Variants in GALNTL6 observed in about 807,000 individuals in gnomAD.
GALNTL6 encodes polypeptide N-acetylgalactosaminyltransferase like 6.
Under a neutral mutation model 73.7 loss-of-function variants are expected in GALNTL6, and 46 were observed. That is an observed-to-expected ratio of 0.62 (90% CI 0.49 to 0.80). The LOEUF (loss-of-function observed/expected upper bound fraction) is 0.80, where lower values mean the gene tolerates loss of function less well. GALNTL6 is among the 30% of genes least tolerant of loss of function. The probability of loss-of-function intolerance (pLI) is 0.00; values close to 1 mark genes in which losing one functional copy is unlikely to be tolerated. For missense variants in GALNTL6, 604 were observed against 755.0 expected (o/e 0.80, Z 2.34); for synonymous variants, 259 against 263.7 (o/e 0.98, Z 0.17).
At chr4:172,422,188 A>C (rs948678689) in intron 5 of GALNTL6, among the ~76,000 whole-genome samples, 2 of 152,086 alleles carry the variant, frequency 1.3e-5, no homozygotes, top group African/African-American at 4.8e-5. Flanking sequence ...AGCAAAACTT[A>C]TCAAATAGTT....
chr4:172,605,321 C>G (rs1354186752), intron 5 of GALNTL6, among the ~76,000 whole-genome samples: 1 of 152,128 alleles, frequency 6.6e-6, no homozygotes, highest in African/African-American at 2.4e-5. Flanking sequence ...ACCCAAAAAT[C>G]TTTATTAACT....
chr4:172,875,732 AACAC>A (rs59079970), intron 7 of GALNTL6, among the ~76,000 whole-genome samples: 2,588 of 145,810 alleles, frequency 0.018, 65 homozygotes, highest in African/African-American at 0.06. Context: ...CTCATACATA[AACAC>A]ACACACACAC....
At chr4:172,741,605 A>C (rs1426280648) in intron 5 of GALNTL6, among the ~76,000 whole-genome samples, 2 of 152,078 alleles carry the variant, frequency 1.3e-5, no homozygotes, top group African/African-American at 4.8e-5. Flanking sequence ...ATCCTAGTCC[A>C]TGCTTTAGGC....
chr4:172,044,949 T>C (rs1473037437), intron 2 of GALNTL6, among the ~76,000 whole-genome samples: 3 of 152,014 alleles, frequency 2.0e-5, no homozygotes, highest in Non-Finnish European at 4.4e-5. Context: ...TGCACATAGA[T>C]AGTTATTGGA....
At chr4:172,269,674 G>A (rs1579317600) in intron 3 of GALNTL6, among the ~76,000 whole-genome samples, 1 of 152,196 alleles carries the variant, frequency 6.6e-6, no homozygotes, top group Non-Finnish European at 1.5e-5. Flanking sequence ...GTTTAAACAG[G>A]AATAACAAAT....
chr4:171,915,114 T>G (rs901809932), intron 2 of GALNTL6, among the ~76,000 whole-genome samples: 1 of 152,160 alleles, frequency 6.6e-6, no homozygotes, highest in African/African-American at 2.4e-5. Context: ...AATTGAATTG[T>G]TTTAAAATAA....
At chr4:171,897,439 A>T (rs1736953864) in intron 2 of GALNTL6, among the ~76,000 whole-genome samples, 1 of 152,226 alleles carries the variant, frequency 6.6e-6, no homozygotes, top group Admixed American at 6.5e-5. Flanking sequence ...AAGAGCATAG[A>T]TACAAACACA....
chr4:172,772,814 G>A (rs1301164820), intron 5 of GALNTL6, among the ~76,000 whole-genome samples: 1 of 152,122 alleles, frequency 6.6e-6, no homozygotes, highest in African/African-American at 2.4e-5. Flanking sequence ...ACTAAGTTAA[G>A]GATTTTAAAT....
chr4:172,069,240 G>T (rs1482392621), intron 2 of GALNTL6, among the ~76,000 whole-genome samples: 1 of 107,332 alleles, frequency 9.3e-6, no homozygotes, highest in Non-Finnish European at 2.0e-5. Context: ...ATTAATGTCT[G>T]CCATATTCCA....
At chr4:172,100,631 T>G (rs906575195) in intron 2 of GALNTL6, among the ~76,000 whole-genome samples, 2 of 152,190 alleles carry the variant, frequency 1.3e-5, no homozygotes, top group African/African-American at 4.8e-5. Context: ...GTTCCAGGCA[T>G]AGTGTAATGT....
chr4:172,207,755 C>A (rs1198985377), intron 2 of GALNTL6, among the ~76,000 whole-genome samples: 1 of 152,118 alleles, frequency 6.6e-6, no homozygotes, highest in Non-Finnish European at 1.5e-5. Context: ...ACAGTAATTA[C>A]AAATTCTCTC....
intron 2 of GALNTL6, among the ~76,000 whole-genome samples, chr4:171,907,876 G>A (rs1412176197): frequency 6.6e-6 from 1 of 151,906 alleles, no homozygotes; most frequent in Admixed American, 6.6e-5. Context: ...ACAAACCTGA[G>A]AAAAACAAGC....
At chr4:172,407,491 G>A (rs1744279984) in intron 5 of GALNTL6, among the ~76,000 whole-genome samples, 1 of 151,926 alleles carries the variant, frequency 6.6e-6, no homozygotes, top group South Asian at 2.1e-4. Context: ...TCTTTCTTGG[G>A]CATTACTGTC....
intron 2 of GALNTL6, among the ~76,000 whole-genome samples, chr4:172,051,067 C>T (rs369831376): frequency 6.6e-6 from 1 of 152,156 alleles, no homozygotes; most frequent in South Asian, 2.1e-4. Context: ...TGTCATCAAC[C>T]TTGGCAAAGG....
intron 2 of GALNTL6, among the ~76,000 whole-genome samples, chr4:171,906,218 A>C (rs1256699679): frequency 6.7e-6 from 1 of 149,902 alleles, no homozygotes; most frequent in African/African-American, 2.5e-5. Context: ...GGTTTTTTGA[A>C]AGGATCAACA....
intron 5 of GALNTL6, among the ~76,000 whole-genome samples, chr4:172,554,009 C>G (rs1480983880): frequency 6.6e-6 from 1 of 152,108 alleles, no homozygotes; most frequent in African/African-American, 2.4e-5. Flanking sequence ...GCCTGGGCAA[C>G]AAGTGAACCT....
chr4:172,252,383 A>G (rs968492716), intron 3 of GALNTL6, among the ~76,000 whole-genome samples: 1 of 152,150 alleles, frequency 6.6e-6, no homozygotes, highest in African/African-American at 2.4e-5. Context: ...ACCGTTCAAC[A>G]TATCCAAGGT....
Position 172,065,450 on chromosome 4 carries a change from C to T in GALNTL6, c.139-164206C>T, listed in dbSNP as rs191155483. ...GGTTGGGGACCCCTGCACTGTATTA[C>T]TCCAACCTGAAAAATATTTGAAATT... is the stretch of plus-strand genomic sequence containing the variant. On this transcript the variant is annotated intron_variant, in intron 2 of 12. Coordinates refer to ENST00000506823, the MANE Select transcript of GALNTL6 (RefSeq NM_001034845.3). 2.9e-3 allele frequency among the ~76,000 whole-genome samples: 441 copies of T among 152,214 alleles called. 5 individuals are homozygous for T. The highest frequency in any genetic ancestry group is 0.018 in the East Asian group (92 of 5,178).
At chr4:171,971,165 G>A (rs1739557945) in intron 2 of GALNTL6, among the ~76,000 whole-genome samples, 1 of 152,192 alleles carries the variant, frequency 6.6e-6, no homozygotes, top group African/African-American at 2.4e-5. Context: ...TTATTAACAT[G>A]TGGCATTATT....
Sources: allele counts gnomAD v4.1 joint callset (sites outside exome capture counted in the v4.1 genomes callset), GRCh38; gene constraint gnomAD v4.1.1; transcripts MANE v1.5; gene names NCBI Gene and HGNC (gene_info 2026-07-23, HGNC 2026-07-21).